ARHGAP15: variants seen among roughly 807,000 people sequenced by gnomAD.
ARHGAP15 encodes the protein rho GTPase-activating protein 15.
ARHGAP15 carries 51 observed loss-of-function variants against 63.7 expected under a neutral mutation model. That is an observed-to-expected ratio of 0.80 (90% CI 0.64 to 1.01). The LOEUF (loss-of-function observed/expected upper bound fraction) is 1.01. Among genes scored for constraint, ARHGAP15 ranks in the 50% least tolerant of loss-of-function variants. ARHGAP15 has a pLI of 0.00. For missense variants in ARHGAP15, 560 were observed against 564.6 expected, an observed-to-expected ratio of 0.99 and a Z score of 0.08; for synonymous variants, 191 against 193.8, an observed-to-expected ratio of 0.99 and a Z score of 0.12.
intron 10 of ARHGAP15, 80 bp from the exon 11 acceptor site, chr2:143,556,328 A>T: frequency 9.5e-7 from 1 of 1,048,920 alleles, no homozygotes; most frequent in Non-Finnish European, 1.4e-6. Context: ...TATTTGATTT[A>T]CTCCTTCTTT....
intron 12 of ARHGAP15, among the ~76,000 whole-genome samples, chr2:143,694,517 A>T (rs927099186): frequency 9.2e-5 from 14 of 152,128 alleles, no homozygotes; most frequent in African/African-American, 3.4e-4. Context: ...ATGTGGTAAT[A>T]ATATCTCAGT....
rs1281686781 is a variant in ARHGAP15, at chr2:143,362,024, AC to A, written c.475-73576del. Among the ~76,000 whole-genome samples, 5 of 152,132 alleles carry A rather than the reference AC, an allele frequency of 3.3e-5. No homozygotes were observed. In the South Asian group the frequency reaches 6.2e-4, roughly 19 times the overall value. On this transcript the variant is annotated intron_variant, in intron 6 of 13. Transcript: ENST00000295095. ...TTCTATCCATCCTGGAAGCCTACCTACAAGTTACCAAAGTTTAAGTTGGTTT... is the reference window on the plus strand; with the variant it reads ...TTCTATCCATCCTGGAAGCCTACCTAAAGTTACCAAAGTTTAAGTTGGTTT...
chr2:143,738,440 C>G (rs554050690), intron 13 of ARHGAP15, among the ~76,000 whole-genome samples: 6 of 152,304 alleles, frequency 3.9e-5, no homozygotes, highest in African/African-American at 1.2e-4. Flanking sequence ...GCCATCCCAG[C>G]AGATACCAAT....
intron 8 of ARHGAP15, among the ~76,000 whole-genome samples, chr2:143,455,413 T>C (rs1690602256): frequency 6.6e-6 from 1 of 151,926 alleles, no homozygotes; most frequent in Non-Finnish European, 1.5e-5. Flanking sequence ...GCAAGGTCTT[T>C]GTGACCTATA....
In ARHGAP15 at chr2:143,593,518, A is replaced by G. The variant is rs371669361; in HGVS notation, c.1004-30615A>G. ...ACATGAGTATGATCTGATATATTTT[A>G]TTGTTAGGTTTATAGGATTCAGAAT... On this transcript the variant is annotated intron_variant, in intron 11 of 13. Coordinates refer to ENST00000295095, the MANE Select transcript of ARHGAP15 (RefSeq NM_018460.4). 1.1e-4 allele frequency among the ~76,000 whole-genome samples: 17 copies of G among 152,298 alleles called. 1 individual carries two copies. Among genetic ancestry groups the G allele is most frequent in the Admixed American group, 1.1e-3 (17 of 15,290 alleles).
At chr2:143,440,487 G>T (rs547125710) in intron 8 of ARHGAP15, among the ~76,000 whole-genome samples, 1 of 152,010 alleles carries the variant, frequency 6.6e-6, no homozygotes, top group East Asian at 1.9e-4. Context: ...GAGTTTTGCC[G>T]CCAAGATTGT....
intron 6 of ARHGAP15, among the ~76,000 whole-genome samples, chr2:143,276,102 C>T (rs973776438): frequency 2.4e-4 from 37 of 152,332 alleles, no homozygotes; most frequent in African/African-American, 8.9e-4. Flanking sequence ...TGCATACAAC[C>T]TTAAAGAGAC....
At chr2:143,636,693 C>T (rs139247850) in intron 12 of ARHGAP15, among the ~76,000 whole-genome samples, 20 of 152,248 alleles carry the variant, frequency 1.3e-4, no homozygotes, top group African/African-American at 4.1e-4. Context: ...CTGTTCAGTG[C>T]TCTCCTTTCT....
At chr2:143,313,782 C>T (rs1281365320) in intron 6 of ARHGAP15, among the ~76,000 whole-genome samples, 1 of 152,050 alleles carries the variant, frequency 6.6e-6, no homozygotes, top group African/African-American at 2.4e-5. Flanking sequence ...GCCACATTGT[C>T]GTTTCTTTAA....
At position 143,727,717 on chromosome 2, in the gene ARHGAP15, GTTC is replaced by G. The variant is rs1269144164; in HGVS notation, c.1244+24198_1244+24200del. The stretch of plus-strand genomic sequence containing the variant: ...TGCATTGTAATGGTATGGAGACAGA[GTTC>G]TTCTGGTTGTCTACACAGCCTGGAT... On this transcript the variant is annotated intron_variant, in intron 13 of 13. Transcript: ENST00000295095. 2.0e-5 allele frequency among the ~76,000 whole-genome samples: 3 copies of G among 152,266 alleles called. No individual in the cohort carries two copies. The East Asian group carries it at 5.8e-4, about 29-fold the overall frequency.
intron 11 of ARHGAP15, chr2:143,607,412 A>G (rs1311197824): frequency 6.6e-6 from 1 of 152,200 alleles, no homozygotes; most frequent in Admixed American, 6.5e-5. Context: ...TGCAAACATC[A>G]ATGCATTATC....
At chr2:143,664,103 A>G (rs1574800685) in intron 12 of ARHGAP15, among the ~76,000 whole-genome samples, 1 of 152,108 alleles carries the variant, frequency 6.6e-6, no homozygotes, top group Non-Finnish European at 1.5e-5. Flanking sequence ...AATCAACAGA[A>G]TATACATTTT....
At chr2:143,595,633 T>G (rs1198728519) in intron 11 of ARHGAP15, among the ~76,000 whole-genome samples, 1 of 152,098 alleles carries the variant, frequency 6.6e-6, no homozygotes, top group Non-Finnish European at 1.5e-5. Context: ...AAATTAAGAC[T>G]AGTCAAAAGA....
chr2:143,611,935 A>G (rs1489331141), intron 11 of ARHGAP15, among the ~76,000 whole-genome samples: 1 of 152,164 alleles, frequency 6.6e-6, no homozygotes, highest in Non-Finnish European at 1.5e-5. Context: ...TACAAATACT[A>G]TTTAGTTCTG....
intron 1 of ARHGAP15, among the ~76,000 whole-genome samples, chr2:143,139,490 T>C (rs1044344266): frequency 7.9e-5 from 12 of 152,170 alleles, no homozygotes; most frequent in Non-Finnish European, 1.5e-5. Context: ...CTTATAAATG[T>C]ATTTTAAGGC....
intron 1 of ARHGAP15, among the ~76,000 whole-genome samples, chr2:143,148,674 C>G (rs1188812127): frequency 6.6e-6 from 1 of 152,010 alleles, no homozygotes; most frequent in African/African-American, 2.4e-5. Flanking sequence ...TATCACATTT[C>G]CTATATATAA....
chr2:143,340,825 C>T (rs1280389935), intron 6 of ARHGAP15, among the ~76,000 whole-genome samples: 4 of 152,032 alleles, frequency 2.6e-5, no homozygotes, highest in African/African-American at 9.7e-5. Flanking sequence ...AGTACGCTTA[C>T]TGAAAAAATA....
chr2:143,200,970 A>C (rs1047371911), intron 2 of ARHGAP15, among the ~76,000 whole-genome samples: 2 of 152,078 alleles, frequency 1.3e-5, no homozygotes, highest in Non-Finnish European at 2.9e-5. Context: ...TCATGCTTAG[A>C]GTATGTCCAA....
intron 11 of ARHGAP15, among the ~76,000 whole-genome samples, chr2:143,583,513 T>C (rs1469063122): frequency 7.1e-6 from 1 of 141,710 alleles, no homozygotes; most frequent in Non-Finnish European, 1.5e-5. Context: ...ATTGCTGGCA[T>C]TCGTAAAGAC....
Sources: allele counts gnomAD v4.1 joint callset (sites outside exome capture counted in the v4.1 genomes callset), GRCh38; gene constraint gnomAD v4.1.1; transcripts MANE v1.5; gene names NCBI Gene and HGNC (gene_info 2026-07-23, HGNC 2026-07-21).